The following KIAA0586 variants were observed in gnomAD, a reference collection of about 807,000 sequenced individuals.
The protein encoded by KIAA0586 is protein TALPID3.
A neutral mutation model predicts 169.8 loss-of-function variants in KIAA0586; 144 were observed. The observed-to-expected ratio is 0.85, with a 90% CI of 0.74 to 0.97. The LOEUF is 0.97. Among genes scored for constraint, KIAA0586 ranks in the 50% least tolerant of loss-of-function variants. The pLI is 0.00. For missense variants in KIAA0586, 1,854 were observed against 1,823.0 expected, an observed-to-expected ratio of 1.02 and a Z score of -0.31; for synonymous variants, 625 against 612.4, an observed-to-expected ratio of 1.02 and a Z score of -0.30.
rs2140156190 is a variant in KIAA0586 at position 58,547,795 on chromosome 14, C to T, written c.4510C>T (p.Pro1504Ser). 1.2e-6 allele frequency: 2 copies of T among 1,613,348 alleles called. No homozygotes were observed. The highest frequency in any genetic ancestry group is 2.2e-5 in the South Asian group (2 of 91,012). ...TCVFSGGKAV[P>S]LSASQMPPAK... ...CCTTTGTGCAGGTGGGAAAGCAGTG[C>T]CACTCTCCGCTTCACAGATGCCCCC... The change falls in exon 31 of 31, where the codon CCA (proline) becomes TCA (serine). Residue 1504 changes from proline to serine, a missense_variant. Pro to Ser is a moderately conservative substitution (Grantham distance 74). Transcript: ENST00000652326.
rs763633519 is a variant in KIAA0586 at position 58,461,113 on chromosome 14, C to G, written c.2012C>G (p.Ser671Cys). 2 of 1,610,106 alleles carry G rather than the reference C, an allele frequency of 1.2e-6. No homozygotes were observed. The highest frequency in any genetic ancestry group is 2.2e-5 in the South Asian group (2 of 90,388). ...KGPYLRFNSP[S>C]PKSRPQRPKV... ...CCATATCTCAGATTTAATTCTCCAT[C>G]TCCTAAGTCCAGACCACAGAGACCA... The change falls in exon 14 of 31, where the codon TCT (serine) becomes TGT (cysteine). Residue 671 changes from serine to cysteine, a missense_variant. By Grantham distance (112) the Ser-to-Cys change is moderately radical (BLOSUM62 -1). Transcript: ENST00000652326.
chr14:58,524,246 T>G (rs909029269), intron 29 of KIAA0586, among the ~76,000 whole-genome samples: 5 of 152,186 alleles, frequency 3.3e-5, no homozygotes, highest in African/African-American at 7.2e-5. Context: ...ACTGTTATTT[T>G]ATGATCTTTT....
intron 29 of KIAA0586, among the ~76,000 whole-genome samples, chr14:58,537,581 C>T (rs1256302398): frequency 2.0e-5 from 3 of 152,154 alleles, no homozygotes; most frequent in Admixed American, 6.5e-5. Flanking sequence ...CTCTCTAACT[C>T]TTGGAAGTTT....
intron 27 of KIAA0586, among the ~76,000 whole-genome samples, chr14:58,500,262 T>G (rs948584632): frequency 1.3e-5 from 2 of 152,260 alleles, no homozygotes; most frequent in African/African-American, 2.4e-5. Context: ...ATGTTTCTGT[T>G]TAAAGAAGTC....
intron 14 of KIAA0586, chr14:58,464,088 C>A: frequency 2.4e-6 from 1 of 418,226 alleles, no homozygotes; most frequent in Non-Finnish European, 4.8e-6. Context: ...TGGAGAAGAA[C>A]ATCACAGACC....
intron 16 of KIAA0586, 107 bp from the exon 17 acceptor site, chr14:58,470,506 T>C (rs972905225): frequency 2.2e-5 from 10 of 460,042 alleles, no homozygotes; most frequent in African/African-American, 4.1e-5. Context: ...GCTTTGTTTT[T>C]ATGTATATGT....
intron 29 of KIAA0586, among the ~76,000 whole-genome samples, chr14:58,524,727 A>G (rs142611901): frequency 6.6e-6 from 1 of 152,368 alleles, no homozygotes; most frequent in Admixed American, 6.5e-5. Context: ...AATTAAAGAC[A>G]TAAAATACAC....
At chr14:58,505,969 C>G (rs2043909949) in intron 27 of KIAA0586, among the ~76,000 whole-genome samples, 1 of 152,012 alleles carries the variant, frequency 6.6e-6, no homozygotes, top group South Asian at 2.1e-4. Flanking sequence ...TGTTGCTATA[C>G]TGTAGGAAAA....
intron 29 of KIAA0586, among the ~76,000 whole-genome samples, chr14:58,517,699 T>C (rs1423769042): frequency 6.6e-6 from 1 of 152,212 alleles, no homozygotes; most frequent in Non-Finnish European, 1.5e-5. Flanking sequence ...TATTTTATAA[T>C]TACCCAAAAC....
intron 30 of KIAA0586, among the ~76,000 whole-genome samples, chr14:58,546,250 A>C (rs2046976441): frequency 6.6e-6 from 1 of 152,206 alleles, no homozygotes; most frequent in South Asian, 2.1e-4. Context: ...TTTTTATAAA[A>C]AAATGAAATA....
chr14:58,471,297 T>C (rs1171183118), intron 17 of KIAA0586, among the ~76,000 whole-genome samples: 1 of 152,242 alleles, frequency 6.6e-6, no homozygotes, highest in East Asian at 1.9e-4. Context: ...TCTGTCACTT[T>C]GGTGATGAAT....
rs1010770682 is a variant in KIAA0586, at chr14:58,516,333, C to T, written c.4429+3706C>T. Among the ~76,000 whole-genome samples the T allele has an allele frequency of 2.6e-5, 4 of 152,210 alleles. No homozygotes were observed. The South Asian group carries it at 6.2e-4, about 24-fold the overall frequency. On this transcript the variant is annotated intron_variant, in intron 29 of 30. Transcript: ENST00000652326. ...CTCCTTTAAGAACAAAAGCCTTAAG[C>T]CACTGAGGAAGGGGCAACACATCTG...
intron 30 of KIAA0586, among the ~76,000 whole-genome samples, chr14:58,541,943 A>G (rs959140715): frequency 3.3e-5 from 5 of 152,242 alleles, no homozygotes; most frequent in African/African-American, 1.2e-4. Flanking sequence ...GCAAATTTAA[A>G]AAGTCAAACT....
At chr14:58,517,810 A>G (rs984737217) in intron 29 of KIAA0586, among the ~76,000 whole-genome samples, 3 of 152,210 alleles carry the variant, frequency 2.0e-5, no homozygotes, top group Non-Finnish European at 4.4e-5. Flanking sequence ...GACGTGAACT[A>G]CTGATACACA....
intron 21 of KIAA0586, among the ~76,000 whole-genome samples, chr14:58,483,090 G>T (rs1180281526): frequency 6.6e-6 from 1 of 152,202 alleles, no homozygotes; most frequent in African/African-American, 2.4e-5. Flanking sequence ...TGTACGTGGA[G>T]AATTGGCCAA....
At chr14:58,521,570 A>G in intron 29 of KIAA0586, 1 of 927,662 alleles carries the variant, frequency 1.1e-6, no homozygotes. Context: ...GTATCAGGAA[A>G]CATGAAGGGG....
Position 58,430,671 on chromosome 14 carries a change from G to C in KIAA0586, c.294G>C (p.Val98=). 6.2e-7 allele frequency: 1 copy of C among 1,604,062 alleles called. No individual in the cohort carries two copies. Among genetic ancestry groups the C allele is most frequent in the African/African-American group, 1.3e-5 (1 of 74,652 alleles). ...AGGATTTTTCTAAAGACGTTGCAGT[G>C]CAAGTGTTGCCTTTGGATAAAATAG... ...SESDFSKDVA[V]QVLPLDKIEE... The change falls in exon 3 of 31, where the codon GTG becomes GTC. Residue 98 remains valine, a synonymous_variant. Transcript: ENST00000652326.
In KIAA0586 at chr14:58,472,198, G is replaced by A; in HGVS notation, c.2554-1G>A. The A allele has an allele frequency of 6.5e-7, 1 of 1,544,902 alleles. No individual in the cohort carries two copies. The highest frequency in any genetic ancestry group is 8.7e-7 in the Non-Finnish European group (1 of 1,145,738). ...AAAACTTTCTGAAAATGCTTTCTTA[G>A]ACTCCAGAAATTATGAAGGTAGATG... On this transcript the variant is annotated splice_acceptor_variant, in intron 17 of 30. Transcript: ENST00000652326. LOFTEE classifies it high-confidence loss of function.
At chr14:58,519,341 G>A (rs2045016609) in intron 29 of KIAA0586, among the ~76,000 whole-genome samples, 1 of 152,114 alleles carries the variant, frequency 6.6e-6, no homozygotes, top group South Asian at 2.1e-4. Context: ...CTGGGCTCAG[G>A]AAGTCTTCCT....
Sources: allele counts gnomAD v4.1 joint callset (sites outside exome capture counted in the v4.1 genomes callset), GRCh38; gene constraint gnomAD v4.1.1; transcripts MANE v1.5; gene names NCBI Gene and HGNC (gene_info 2026-07-23, HGNC 2026-07-21).